The following GALNT7 variants were observed in gnomAD, a reference collection of about 807,000 sequenced individuals.
GALNT7 encodes the protein N-acetylgalactosaminyltransferase 7.
In GALNT7, 60 loss-of-function variants were observed where a neutral mutation model predicts 82.1. The observed-to-expected ratio is 0.73, with a 90% CI of 0.59 to 0.91. The LOEUF (loss-of-function observed/expected upper bound fraction) is 0.91, where lower values mean the gene tolerates loss of function less well. GALNT7 is among the 40% of genes least tolerant of loss of function. The probability of loss-of-function intolerance (pLI) is 0.00; values close to 1 mark genes in which losing one functional copy is unlikely to be tolerated. For synonymous variants in GALNT7, 243 were observed against 275.1 expected, an observed-to-expected ratio of 0.88 and a Z score of 1.15; for missense variants, 660 against 804.2, an observed-to-expected ratio of 0.82 and a Z score of 2.17.
chr4:173,266,858 G>A (rs1429691560), intron 2 of GALNT7, among the ~76,000 whole-genome samples: 2 of 147,998 alleles, frequency 1.4e-5, no homozygotes, highest in Non-Finnish European at 3.0e-5. Flanking sequence ...GGCTACCTGA[G>A]GCTGGGAAGG....
chr4:173,214,690 G>A (rs778730406), intron 1 of GALNT7, among the ~76,000 whole-genome samples: 2 of 152,142 alleles, frequency 1.3e-5, no homozygotes, highest in Non-Finnish European at 1.5e-5. Flanking sequence ...CTCAAGCCTG[G>A]TAGAGTCAAA....
At chr4:173,306,814 G>A (rs1251942356) in intron 8 of GALNT7, among the ~76,000 whole-genome samples, 1 of 152,208 alleles carries the variant, frequency 6.6e-6, no homozygotes, top group Non-Finnish European at 1.5e-5. Flanking sequence ...ACTACTGGGA[G>A]ATTATTGTGA....
intron 1 of GALNT7, among the ~76,000 whole-genome samples, chr4:173,238,631 A>G (rs545182122): frequency 1.3e-5 from 2 of 152,252 alleles, no homozygotes; most frequent in South Asian, 4.1e-4. Context: ...ACTGTTTAAT[A>G]TTTATGTGTG....
chr4:173,234,756 A>G lies in GALNT7; in HGVS notation c.127-13224A>G, dbSNP rs139643838. ...TTGTTTCAGTGCCATCTTCACTGTA[A>G]TAAGTGAGTTCTCATTCTGTTAGTT... On this transcript the variant is annotated intron_variant, in intron 1 of 11. Transcript: ENST00000265000. 3.9e-5 allele frequency among the ~76,000 whole-genome samples: 6 copies of G among 152,262 alleles called. No homozygotes were observed. In the East Asian group the frequency reaches 7.7e-4, roughly 20 times the overall value.
chr4:173,205,725 A>G (rs1429738095), intron 1 of GALNT7, among the ~76,000 whole-genome samples: 1 of 152,068 alleles, frequency 6.6e-6, no homozygotes, highest in African/African-American at 2.4e-5. Flanking sequence ...GTGTAGGGCA[A>G]TCTGGCCCTG....
chr4:173,171,386 T>C (rs1443215796), intron 1 of GALNT7, among the ~76,000 whole-genome samples: 1 of 152,250 alleles, frequency 6.6e-6, no homozygotes, highest in African/African-American at 2.4e-5. Flanking sequence ...ATGGACTTTT[T>C]TGGATCCCTT....
At chr4:173,298,050 CGT>C in intron 5 of GALNT7, 63 bp from the exon 6 acceptor site, 1 of 1,558,916 alleles carries the variant, frequency 6.4e-7, no homozygotes, top group Non-Finnish European at 8.7e-7. Context: ...CCCATGAACT[CGT>C]ATAAATGTGT....
intron 11 of GALNT7, among the ~76,000 whole-genome samples, chr4:173,319,559 T>C (rs1737727944): frequency 6.6e-6 from 1 of 151,922 alleles, no homozygotes; most frequent in African/African-American, 2.4e-5. Context: ...CAATAAATAG[T>C]AGGGGTCAGT....
chr4:173,253,077 C>T (rs935516401), intron 2 of GALNT7, among the ~76,000 whole-genome samples: 3 of 152,012 alleles, frequency 2.0e-5, no homozygotes. Flanking sequence ...TGGCGCATCC[C>T]TCTGGTCTCT....
In GALNT7 at chr4:173,318,432, T is replaced by G; in HGVS notation, c.1709T>G (p.Leu570Arg). 1 of 1,601,070 alleles carries G rather than the reference T, an allele frequency of 6.2e-7. No homozygotes were observed. ...TAATTCTCTCTTTTCCTTTTACAGC[T>G]TTTCAGAATCAATGAAGCAAATCAA... ...GPCHRMGGNQ[L>R]FRINEANQLM... is the part of the protein sequence containing the mutation. Residue 570 changes from leucine (L) to arginine (R), a missense_variant and splice_region_variant, in exon 11 of 12, where the codon CTT becomes CGT. Transcript: ENST00000265000.
chr4:173,202,775 C>T (rs1279198787), intron 1 of GALNT7, among the ~76,000 whole-genome samples: 1 of 152,178 alleles, frequency 6.6e-6, no homozygotes, highest in East Asian at 1.9e-4. Flanking sequence ...TACATACTAT[C>T]ATTGTCCCAA....
intron 1 of GALNT7, among the ~76,000 whole-genome samples, chr4:173,198,773 G>A (rs2126650095): frequency 6.6e-6 from 1 of 152,278 alleles, no homozygotes; most frequent in East Asian, 1.9e-4. Flanking sequence ...GCGAGGACTG[G>A]GGGAGGGAGA....
At chr4:173,251,612 C>T (rs192358117) in intron 2 of GALNT7, among the ~76,000 whole-genome samples, 14 of 152,272 alleles carry the variant, frequency 9.2e-5, no homozygotes, top group African/African-American at 2.9e-4. Context: ...ATGGGAACCT[C>T]GCATCTCTGA....
chr4:173,289,787 T>G (rs548986041), intron 2 of GALNT7, among the ~76,000 whole-genome samples: 1 of 152,262 alleles, frequency 6.6e-6, no homozygotes, highest in East Asian at 1.9e-4. Context: ...TGCTTATCTG[T>G]GTGTAGGTGT....
chr4:173,261,544 T>C (rs1443935233), intron 2 of GALNT7, among the ~76,000 whole-genome samples: 1 of 152,294 alleles, frequency 6.6e-6, no homozygotes, highest in East Asian at 1.9e-4. Flanking sequence ...CAGCTGGGCA[T>C]GGCAGCTCAC....
chr4:173,183,700 C>G (rs1215482104), intron 1 of GALNT7, among the ~76,000 whole-genome samples: 1 of 146,992 alleles, frequency 6.8e-6, no homozygotes, highest in Non-Finnish European at 1.5e-5. Context: ...GGCAGAAGCG[C>G]CCCCCCACCT....
chr4:173,214,314 C>T (rs192454979), intron 1 of GALNT7, among the ~76,000 whole-genome samples: 2 of 151,568 alleles, frequency 1.3e-5, no homozygotes, highest in African/African-American at 4.8e-5. Context: ...CCTTAAGAGA[C>T]CACATTGTGG....
intron 2 of GALNT7, among the ~76,000 whole-genome samples, chr4:173,249,367 C>T (rs1441315179): frequency 6.6e-6 from 1 of 152,168 alleles, no homozygotes; most frequent in Non-Finnish European, 1.5e-5. Flanking sequence ...TTTATGACCG[C>T]TAAGTAAAAT....
At chr4:173,234,041 T>A (rs1262990695) in intron 1 of GALNT7, among the ~76,000 whole-genome samples, 1 of 152,200 alleles carries the variant, frequency 6.6e-6, no homozygotes, top group Non-Finnish European at 1.5e-5. Flanking sequence ...GTCACTGAAG[T>A]TATCAGTCAG....
Sources: gnomAD v4.1 joint callset for allele counts (sites outside exome capture counted in the v4.1 genomes callset) on GRCh38, gnomAD v4.1.1 for gene constraint, MANE v1.5 for transcripts, NCBI Gene and HGNC (gene_info 2026-07-23, HGNC 2026-07-21) for gene names.